SACS: variants seen among roughly 807,000 people sequenced by gnomAD.
The protein encoded by SACS is sacsin molecular chaperone.
A neutral mutation model predicts 348.0 loss-of-function variants in SACS; 197 were observed. The observed-to-expected ratio is 0.57, with a 90% CI of 0.50 to 0.64. The LOEUF (loss-of-function observed/expected upper bound fraction) is 0.64, where lower values mean the gene tolerates loss of function less well. Among genes scored for constraint, SACS ranks in the 30% least tolerant of loss-of-function variants. The pLI is 0.00. For synonymous variants in SACS, 1,985 were observed against 1,910.6 expected (o/e 1.04, Z -1.02); for missense variants, 4,999 against 5,360.8 (o/e 0.93, Z 2.11).
intron 2 of SACS, among the ~76,000 whole-genome samples, chr13:23,380,122 C>CGTGTGTGTGT (rs34243922): frequency 0.03 from 3,454 of 116,210 alleles, 125 homozygotes; most frequent in African/African-American, 0.09. Flanking sequence ...GGGATTCCCT[C>CGTGTGTGTGT]GTGTGTGTGT....
Position 23,338,942 on chromosome 13 carries a change from C to T in SACS, c.4934G>A (p.Arg1645Gln). 3 of 1,613,652 alleles carry T rather than the reference C, an allele frequency of 1.9e-6. No individual in the cohort carries two copies. The highest frequency in any genetic ancestry group is 1.7e-6 in the Non-Finnish European group (2 of 1,179,876). ...APYSYNGTLFRLSFRTQQEAK... is the reference protein window; with the variant it reads ...APYSYNGTLFQLSFRTQQEAK... ...TTCCTGTTGAGTTCTAAAGGACAGT[C>T]GGAAAAGGGTTCCATTATAGCTGTA... is the stretch of plus-strand genomic sequence containing the variant. The change falls in exon 10 of 10, where the codon CGA (arginine) becomes CAA (glutamine). Residue 1645 changes from arginine to glutamine, a missense_variant. Around this residue, in one of 6 missense-constraint regions of SACS, gnomAD observed 3,156 missense variants for 3,380.1 expected, o/e 0.93. Coordinates refer to ENST00000382292, the MANE Select transcript of SACS (RefSeq NM_014363.6).
At chr13:23,356,072 T>C (rs1870368617) in intron 7 of SACS, 65 bp from the exon 8 acceptor site, 1 of 1,330,038 alleles carries the variant, frequency 7.5e-7, no homozygotes, top group South Asian at 1.3e-5. Flanking sequence ...ATTACAATTA[T>C]AATAAATATA....
Position 23,336,946 on chromosome 13 carries a change from C to T in SACS, c.6930G>A (p.Leu2310=), listed in dbSNP as rs780625472. Residue 2310 remains leucine, a synonymous_variant, in exon 10 of 10, where the codon CTG becomes CTA. Transcript: ENST00000382292. Reference sequence around the variant, plus strand: ...AAGCATTGGTGATATTCTCCTGGTACAGTGTAATTCCATCATCAACTGATT... The same window carrying T: ...AAGCATTGGTGATATTCTCCTGGTATAGTGTAATTCCATCATCAACTGATT... The part of the protein sequence containing the change: ...VAKSVDDGIT[L]YQENITNACY... The T allele has an allele frequency of 6.8e-6, 11 of 1,613,872 alleles. No individual in the cohort carries two copies. Among genetic ancestry groups the T allele is most frequent in the Admixed American group, 3.3e-5 (2 of 60,008 alleles).
intron 2 of SACS, among the ~76,000 whole-genome samples, chr13:23,409,040 C>CTTTTTTATTTTTTTTTTT (rs1873360135): frequency 2.8e-5 from 1 of 35,122 alleles, no homozygotes; most frequent in Non-Finnish European, 4.9e-5. Flanking sequence ...ACAAGTTTTA[C>CTTTTTTATTTTTTTTTTT]TTTTTTTTTT....
chr13:23,356,988 C>T (rs986961775), intron 7 of SACS, among the ~76,000 whole-genome samples: 1 of 152,202 alleles, frequency 6.6e-6, no homozygotes, highest in African/African-American at 2.4e-5. Context: ...GGCACAGAGT[C>T]GCACCCCCAT....
chr13:23,417,989 A>G (rs1328811139), intron 1 of SACS, among the ~76,000 whole-genome samples: 1 of 150,888 alleles, frequency 6.6e-6, no homozygotes, highest in Non-Finnish European at 1.5e-5. Context: ...GGATCACTTG[A>G]GCCCAGGAGG....
chr13:23,341,469 T>A lies in SACS; in HGVS notation c.2407A>T (p.Ile803Phe), dbSNP rs1461004647. 6.2e-7 allele frequency: 1 copy of A among 1,613,944 alleles called. No homozygotes were observed. The highest frequency in any genetic ancestry group is 8.5e-7 in the Non-Finnish European group (1 of 1,179,990). The part of the protein sequence containing the change: ...DLTLFDEMPL[I>F]PRTILEEGQT... ...CCTTCCTCTAGTATAGTTCTGGGGA[T>A]AAGTGGCATCTCATCAAATAAAGTC... The change falls in exon 10 of 10, where the codon ATC becomes TTC. Residue 803 changes from isoleucine to phenylalanine, a missense_variant. This residue lies in a region of SACS where 3,156 missense variants were observed against 3,380.1 expected (regional missense o/e 0.93). Coordinates refer to ENST00000382292, the MANE Select transcript of SACS (RefSeq NM_014363.6).
intron 1 of SACS, chr13:23,427,372 T>A (rs1874231861): frequency 6.6e-6 from 1 of 152,370 alleles, no homozygotes; most frequent in East Asian, 1.9e-4. Context: ...CCTCCCCAGC[T>A]TGGAACCTCA....
rs567568299 is a variant in SACS at position 23,354,464 on chromosome 13, G to A, written c.2093+55C>T. On this transcript the variant is annotated intron_variant, in intron 8 of 9. Coordinates refer to ENST00000382292, the MANE Select transcript of SACS (RefSeq NM_014363.6). ...TCACAACAAAGGACTCTCACAGTGAGCAGGAGCAGGGGAACCCTAAGAGTG... is the reference window on the plus strand; with the variant it reads ...TCACAACAAAGGACTCTCACAGTGAACAGGAGCAGGGGAACCCTAAGAGTG... 108 of 1,463,936 alleles carry A rather than the reference G, an allele frequency of 7.4e-5. No individual in the cohort carries two copies. The African/African-American group carries it at 1.5e-3, about 20-fold the overall frequency. The allele number at this position is 1,463,936 out of a possible 1,614,324, so 90.7% of individuals were successfully genotyped here. A position where few individuals can be genotyped will look rare whatever the true frequency, so the allele number is the denominator to read the frequency against.
chr13:23,341,934 C>T (rs180913575), intron 9 of SACS, among the ~76,000 whole-genome samples: 1 of 151,866 alleles, frequency 6.6e-6, no homozygotes, highest in East Asian at 1.9e-4. Context: ...CTACAAGGGC[C>T]CGCCACCACA....
chr13:23,426,925 CT>C (rs1874208875), intron 1 of SACS: 1 of 152,178 alleles, frequency 6.6e-6, no homozygotes, highest in Non-Finnish European at 1.5e-5. Context: ...CTTTCACCCC[CT>C]CAAACCTCAT....
intron 2 of SACS, among the ~76,000 whole-genome samples, chr13:23,395,732 C>A (rs1199199901): frequency 6.6e-6 from 1 of 152,222 alleles, no homozygotes; most frequent in Non-Finnish European, 1.5e-5. Flanking sequence ...TCGTAGTGAG[C>A]AGGTAACCTT....
intron 2 of SACS, among the ~76,000 whole-genome samples, chr13:23,380,352 C>T (rs1405048654): frequency 6.6e-6 from 1 of 152,076 alleles, no homozygotes; most frequent in Non-Finnish European, 1.5e-5. Context: ...CAACCAATAC[C>T]TAATACCTCT....
At chr13:23,341,780 CTTTTTTTT>C (rs4068499) in intron 9 of SACS, 90 bp from the exon 10 acceptor site, 116 of 298,942 alleles carry the variant, frequency 3.9e-4, no homozygotes, top group South Asian at 9.5e-4. Context: ...CTGGAAGGTT[CTTTTTTTT>C]TTTTTTTTTT....
At chr13:23,418,252 C>G (rs1873765873) in intron 1 of SACS, among the ~76,000 whole-genome samples, 1 of 152,004 alleles carries the variant, frequency 6.6e-6, no homozygotes, top group South Asian at 2.1e-4. Flanking sequence ...GGAACAGGCT[C>G]TAATTTATAT....
chr13:23,330,060 T>C lies in SACS; in HGVS notation c.*76A>G. ...TTAACAATTCCTAGCTAATTGGCAATGAAGCTTAATGAAGTACAGCAATTT... is the reference window on the plus strand; with the variant it reads ...TTAACAATTCCTAGCTAATTGGCAACGAAGCTTAATGAAGTACAGCAATTT... On this transcript the variant is annotated 3_prime_UTR_variant, in exon 10 of 10. Transcript: ENST00000382292. 1 of 1,306,894 alleles carries C rather than the reference T, an allele frequency of 7.7e-7. No homozygotes were observed. The highest frequency in any genetic ancestry group is 2.4e-5 in the East Asian group (1 of 41,578). The allele number at this position is 1,306,894 out of a possible 1,614,324, so 81.0% of individuals were successfully genotyped here. A position where few individuals can be genotyped will look rare whatever the true frequency, so the allele number is the denominator to read the frequency against.
Position 23,334,193 on chromosome 13 carries a change from G to T in SACS, c.9683C>A (p.Thr3228Asn). 1 of 1,613,746 alleles carries T rather than the reference G, an allele frequency of 6.2e-7. No individual in the cohort carries two copies. Among genetic ancestry groups the T allele is most frequent in the Non-Finnish European group, 8.5e-7 (1 of 1,179,794 alleles). ...GTCTTTCCACTTTGTGCAACTTTTG[G>T]TCTTATATTCTCGAGGCAACACAGA... ...LSSVLPREYK[T>N]KSCTKWKDNF... The change falls in exon 10 of 10, where the codon ACC (threonine) becomes AAC (asparagine). Residue 3228 changes from threonine (T) to asparagine (N), a missense_variant. This residue lies in a region of SACS where 734 missense variants were observed against 694.0 expected (regional missense o/e 1.06). Coordinates refer to ENST00000382292, the MANE Select transcript of SACS (RefSeq NM_014363.6).
At chr13:23,431,905 A>G (rs1222930134) in intron 1 of SACS, among the ~76,000 whole-genome samples, 1 of 152,232 alleles carries the variant, frequency 6.6e-6, no homozygotes, top group Non-Finnish European at 1.5e-5. Flanking sequence ...ATGCTTCACC[A>G]TGGTGGTTAG....
chr13:23,340,048 T>C lies in SACS; in HGVS notation c.3828A>G (p.Pro1276=), dbSNP rs369988818. 6.6e-5 allele frequency: 107 copies of C among 1,614,022 alleles called. No individual in the cohort carries two copies. In the African/African-American group the frequency reaches 1.2e-3, roughly 19 times the overall value. The part of the protein sequence containing the change: ...GKDSFRALKF[P]WVWTGKKFCP... ...AAAACTTTTTGCCAGTCCAAACCCA[T>C]GGAAATTTTAAGGCTCTAAAAGAAT... Residue 1276 remains proline, a synonymous_variant, in exon 10 of 10, where the codon CCA becomes CCG. Coordinates refer to ENST00000382292, the MANE Select transcript of SACS (RefSeq NM_014363.6).
Sources: allele counts gnomAD v4.1 joint callset (sites outside exome capture counted in the v4.1 genomes callset), GRCh38; gene constraint gnomAD v4.1.1; regional missense constraint gnomAD v4.1.1; transcripts MANE v1.5; gene names NCBI Gene and HGNC (gene_info 2026-07-23, HGNC 2026-07-21).